The following LPAR1 variants were observed in gnomAD, a reference collection of about 807,000 sequenced individuals.
LPAR1 encodes lysophosphatidic acid receptor 1.
LPAR1 carries 5 observed loss-of-function variants against 23.8 expected under a neutral mutation model. That is an observed-to-expected ratio of 0.21 (90% CI 0.11 to 0.44). The LOEUF is 0.44. Ranked by LOEUF, LPAR1 falls within the 20% of genes least tolerant of loss-of-function variation. LPAR1 has a pLI of 0.99. For missense variants in LPAR1, 311 were observed against 482.8 expected (o/e 0.64, Z 3.33); for synonymous variants, 160 against 164.7 (o/e 0.97, Z 0.22).
At chr9:111,005,855 C>CCA (rs2097209262) in intron 2 of LPAR1, among the ~76,000 whole-genome samples, 1 of 152,168 alleles carries the variant, frequency 6.6e-6, no homozygotes, top group African/African-American at 2.4e-5. Flanking sequence ...TTAATCACTG[C>CCA]CACACACACA....
intron 5 of LPAR1, among the ~76,000 whole-genome samples, chr9:110,884,900 T>C (rs2081950107): frequency 6.6e-6 from 1 of 152,336 alleles, no homozygotes; most frequent in Non-Finnish European, 1.5e-5. Flanking sequence ...TCTTAATTTT[T>C]CATTTGTATT....
intron 2 of LPAR1, among the ~76,000 whole-genome samples, chr9:111,001,795 A>C (rs1043862597): frequency 5.3e-5 from 8 of 152,236 alleles, no homozygotes; most frequent in African/African-American, 1.7e-4. Context: ...GATCTCTTTT[A>C]TACCTAAAAC....
intron 2 of LPAR1, among the ~76,000 whole-genome samples, chr9:111,010,052 C>CATAG (rs58403873): frequency 9.0e-6 from 1 of 110,986 alleles, no homozygotes; most frequent in Non-Finnish European, 1.9e-5. Flanking sequence ...TATATGGATA[C>CATAG]ATAGATAGGT....
intron 2 of LPAR1, among the ~76,000 whole-genome samples, chr9:111,019,004 A>G (rs568619989): frequency 6.6e-6 from 1 of 152,358 alleles, no homozygotes; most frequent in African/African-American, 2.4e-5. Context: ...ATAAAAACAC[A>G]CATTTGTTAC....
rs1229045415 is a variant in LPAR1 at position 110,987,650 on chromosome 9, C to G, written c.-181-14092G>C. 5.7e-5 allele frequency among the ~76,000 whole-genome samples: 8 copies of G among 139,504 alleles called. No homozygotes were observed. In the East Asian group the frequency reaches 1.6e-3, roughly 28 times the overall value. 91.5% of individuals were successfully genotyped at this position (139,504 alleles called of 152,430 possible). ...ACCCATTGGGCAGTTACACCACAGA[C>G]AGCCCTGTGGAACCTACATGTATAT... On this transcript the variant is annotated intron_variant, in intron 2 of 5. Transcript: ENST00000683809.
intron 4 of LPAR1, among the ~76,000 whole-genome samples, chr9:110,959,610 C>T (rs929835606): frequency 6.6e-6 from 1 of 151,534 alleles, no homozygotes; most frequent in Non-Finnish European, 1.5e-5. Flanking sequence ...AGAGTGAGAA[C>T]CTGTCTCAAA....
chr9:110,967,029 C>G (rs1285097316), intron 4 of LPAR1, among the ~76,000 whole-genome samples: 1 of 152,170 alleles, frequency 6.6e-6, no homozygotes, highest in African/African-American at 2.4e-5. Context: ...CCACAGGATA[C>G]GAACACATTA....
At chr9:110,996,226 C>T (rs979490708) in intron 2 of LPAR1, among the ~76,000 whole-genome samples, 1 of 151,870 alleles carries the variant, frequency 6.6e-6, no homozygotes, top group African/African-American at 2.4e-5. Flanking sequence ...GATTTGATGA[C>T]CACTCCAAAA....
rs35043548 is a variant in LPAR1, at chr9:110,907,916, AACAC to A, written c.794-32198_794-32195del. Among the ~76,000 whole-genome samples the A allele has an allele frequency of 0.034, 4,713 of 139,706 alleles. 560 individuals are homozygous for A. In the East Asian group the frequency reaches 0.45, roughly 13 times the overall value. 91.7% of individuals were successfully genotyped at this position (139,706 alleles called of 152,430 possible). On this transcript the variant is annotated intron_variant, in intron 5 of 5. Transcript: ENST00000683809. ...AAAAGAAAGACTTAACCTTTGACAAAACACACACACACACACACACACACACACA... is the reference window on the plus strand; with the variant it reads ...AAAAGAAAGACTTAACCTTTGACAAAACACACACACACACACACACACACA...
intron 5 of LPAR1, among the ~76,000 whole-genome samples, chr9:110,905,574 C>G (rs943594164): frequency 2.0e-5 from 3 of 151,976 alleles, no homozygotes; most frequent in African/African-American, 7.2e-5. Flanking sequence ...AGGCTGGTCT[C>G]GAACTCCAGA....
intron 5 of LPAR1, among the ~76,000 whole-genome samples, chr9:110,900,198 A>G (rs1474383800): frequency 6.6e-6 from 1 of 152,164 alleles, no homozygotes; most frequent in Non-Finnish European, 1.5e-5. Flanking sequence ...GCAGGGCTGT[A>G]ATTCTTTCTT....
At chr9:110,979,420 T>G (rs1316165513) in intron 2 of LPAR1, among the ~76,000 whole-genome samples, 1 of 150,876 alleles carries the variant, frequency 6.6e-6, no homozygotes, top group Non-Finnish European at 1.5e-5. Flanking sequence ...TGGGGTGGAG[T>G]GAAGTCAAAT....
chr9:111,037,059 G>C (rs115982020), intron 1 of LPAR1, among the ~76,000 whole-genome samples: 1 of 152,152 alleles, frequency 6.6e-6, no homozygotes, highest in Non-Finnish European at 1.5e-5. Flanking sequence ...TTTTCCAAGT[G>C]TACAGTCTCC....
chr9:110,895,395 G>C (rs1317961634), intron 5 of LPAR1, among the ~76,000 whole-genome samples: 1 of 152,230 alleles, frequency 6.6e-6, no homozygotes, highest in Admixed American at 6.5e-5. Context: ...CTGGGGCCTG[G>C]CCACTAGGCT....
At chr9:110,882,834 T>C (rs941475914) in intron 5 of LPAR1, among the ~76,000 whole-genome samples, 2 of 152,202 alleles carry the variant, frequency 1.3e-5, no homozygotes, top group African/African-American at 4.8e-5. Flanking sequence ...GGTCATTAGA[T>C]GATTGCCGTA....
chr9:110,932,042 G>A (rs972989947), intron 5 of LPAR1, among the ~76,000 whole-genome samples: 11 of 152,162 alleles, frequency 7.2e-5, no homozygotes, highest in African/African-American at 2.4e-4. Flanking sequence ...AAAAAGTCCT[G>A]AGAGGCAGGA....
At chr9:110,884,506 T>C (rs1217666428) in intron 5 of LPAR1, among the ~76,000 whole-genome samples, 1 of 152,220 alleles carries the variant, frequency 6.6e-6, no homozygotes, top group Non-Finnish European at 1.5e-5. Flanking sequence ...TGGCACATAG[T>C]AAGTGCTCTA....
intron 5 of LPAR1, among the ~76,000 whole-genome samples, chr9:110,885,275 A>C (rs1349795059): frequency 1.3e-5 from 2 of 152,190 alleles, no homozygotes; most frequent in Non-Finnish European, 2.9e-5. Context: ...ATCATGCTTC[A>C]AGGAATGTCT....
chr9:110,882,754 A>G (rs964325817), intron 5 of LPAR1, among the ~76,000 whole-genome samples: 8 of 144,512 alleles, frequency 5.5e-5, no homozygotes, highest in African/African-American at 1.7e-4. Context: ...TGCTTTGGTT[A>G]TATCTACAAT....
Sources: gnomAD v4.1 joint callset for allele counts (sites outside exome capture counted in the v4.1 genomes callset) on GRCh38, gnomAD v4.1.1 for gene constraint, MANE v1.5 for transcripts, NCBI Gene and HGNC (gene_info 2026-07-23, HGNC 2026-07-21) for gene names.